ZBTB20: variants seen among roughly 807,000 people sequenced by gnomAD.
ZBTB20 encodes zinc finger and BTB domain containing 20.
In ZBTB20, 9 loss-of-function variants were observed where a neutral mutation model predicts 56.9. That is an observed-to-expected ratio of 0.16 (90% confidence interval 0.10 to 0.28). The LOEUF is 0.28. Among genes scored for constraint, ZBTB20 ranks in the 10% least tolerant of loss-of-function variants. The probability of loss-of-function intolerance (pLI) is 1.00; values close to 1 mark genes in which losing one functional copy is unlikely to be tolerated. For synonymous variants in ZBTB20, 417 were observed against 420.7 expected, an observed-to-expected ratio of 0.99 and a Z score of 0.11; for missense variants, 655 against 1,003.0, an observed-to-expected ratio of 0.65 and a Z score of 4.69.
chr3:114,993,461 T>C (rs369835948), intron 2 of ZBTB20, among the ~76,000 whole-genome samples: 4 of 151,836 alleles, frequency 2.6e-5, no homozygotes, highest in African/African-American at 9.7e-5. Flanking sequence ...CTTTTGAAAA[T>C]TGCACATTCT....
At chr3:114,833,396 TTAAAA>T (rs2073958946) in intron 4 of ZBTB20, among the ~76,000 whole-genome samples, 1 of 152,154 alleles carries the variant, frequency 6.6e-6, no homozygotes, top group African/African-American at 2.4e-5. Flanking sequence ...TTTAAATACT[TTAAAA>T]TACAAATGCC....
At chr3:114,999,020 G>A (rs1245117641) in intron 2 of ZBTB20, among the ~76,000 whole-genome samples, 1 of 135,796 alleles carries the variant, frequency 7.4e-6, no homozygotes, top group African/African-American at 2.7e-5. Flanking sequence ...AGGAGGGGAG[G>A]TTGGGGAGGG....
intron 4 of ZBTB20, among the ~76,000 whole-genome samples, chr3:114,867,596 CGGCTAACTT>C (rs895845656): frequency 6.6e-6 from 1 of 152,090 alleles, no homozygotes; most frequent in African/African-American, 2.4e-5. Flanking sequence ...CCACCACGCC[CGGCTAACTT>C]GGTATTTTCA....
intron 3 of ZBTB20, among the ~76,000 whole-genome samples, chr3:114,927,576 T>C (rs757702722): frequency 4.6e-5 from 7 of 152,134 alleles, no homozygotes; most frequent in Non-Finnish European, 8.8e-5. Flanking sequence ...GAAAAAACAA[T>C]TGAAGAATTT....
intron 5 of ZBTB20, among the ~76,000 whole-genome samples, chr3:114,756,109 T>C (rs943617323): frequency 4.6e-5 from 7 of 152,144 alleles, no homozygotes; most frequent in African/African-American, 1.7e-4. Flanking sequence ...TATTTTTTCA[T>C]TGTCAGCCAT....
At chr3:114,477,489 CTTTTTTT>C (rs765333264) in intron 7 of ZBTB20, among the ~76,000 whole-genome samples, 1 of 109,266 alleles carries the variant, frequency 9.2e-6, no homozygotes, top group Non-Finnish European at 1.8e-5. Flanking sequence ...GTTCCCTGCA[CTTTTTTT>C]TTTTTTTTTT....
rs576540290 is a variant in ZBTB20 at position 114,777,339 on chromosome 3, T to C, written c.-343+23762A>G. 2.6e-5 allele frequency among the ~76,000 whole-genome samples: 4 copies of C among 152,116 alleles called. No homozygotes were observed. In the South Asian group the frequency reaches 8.3e-4, roughly 32 times the overall value. ...GACTAACATGGAGAAATGCTGTCTCTACTAAAAATACAAAATTAGCCGGGC... is the reference window on the plus strand; with the variant it reads ...GACTAACATGGAGAAATGCTGTCTCCACTAAAAATACAAAATTAGCCGGGC... On this transcript the variant is annotated intron_variant, in intron 5 of 11. Transcript: ENST00000675478.
At chr3:115,063,083 CATT>C (rs59203814) in intron 2 of ZBTB20, among the ~76,000 whole-genome samples, 94 of 152,248 alleles carry the variant, frequency 6.2e-4, no homozygotes, top group African/African-American at 2.1e-3. Context: ...GATTCTTCAT[CATT>C]GTTTTTATCA....
At chr3:114,364,177 C>G (rs961360747) in intron 10 of ZBTB20, among the ~76,000 whole-genome samples, 1 of 152,106 alleles carries the variant, frequency 6.6e-6, no homozygotes, top group South Asian at 2.1e-4. Flanking sequence ...TTTGACCAGG[C>G]ATGTTGGCTC....
chr3:115,083,671 T>C (rs1037435555), intron 1 of ZBTB20, among the ~76,000 whole-genome samples: 20 of 152,036 alleles, frequency 1.3e-4, no homozygotes, highest in Non-Finnish European at 2.9e-5. Context: ...TAGCTCATGC[T>C]ATAATTCCAA....
At chr3:114,343,743 T>C (rs1374715899) in intron 11 of ZBTB20, among the ~76,000 whole-genome samples, 2 of 152,172 alleles carry the variant, frequency 1.3e-5, no homozygotes, top group Non-Finnish European at 2.9e-5. Context: ...TCAAGAGACG[T>C]CTGTTTAAAA....
At chr3:114,820,890 AT>A (rs1303688194) in intron 4 of ZBTB20, among the ~76,000 whole-genome samples, 1 of 152,102 alleles carries the variant, frequency 6.6e-6, no homozygotes. Flanking sequence ...TATTGATAAA[AT>A]TTACCTACAT....
chr3:114,340,558 G>A (rs193068912), intron 11 of ZBTB20, among the ~76,000 whole-genome samples: 8 of 152,276 alleles, frequency 5.3e-5, no homozygotes, highest in Admixed American at 4.6e-4. Flanking sequence ...CTCAGTGCAT[G>A]AGGTATTCTT....
chr3:114,792,807 G>A (rs537963300), intron 5 of ZBTB20, among the ~76,000 whole-genome samples: 1 of 151,768 alleles, frequency 6.6e-6, no homozygotes. Context: ...ATTCCTCACT[G>A]GTCTTTAGAA....
intron 5 of ZBTB20, among the ~76,000 whole-genome samples, chr3:114,785,028 C>T (rs560253062): frequency 9.2e-5 from 14 of 152,240 alleles, no homozygotes; most frequent in African/African-American, 2.2e-4. Context: ...AGGGTAGTAA[C>T]GGGTGGATGT....
chr3:114,974,624 C>G (rs1040861684), intron 2 of ZBTB20, among the ~76,000 whole-genome samples: 6 of 152,136 alleles, frequency 3.9e-5, no homozygotes, highest in Non-Finnish European at 8.8e-5. Flanking sequence ...ACTGCATATA[C>G]ATTTTTGAGG....
At chr3:114,401,991 A>T (rs1211967738) in intron 7 of ZBTB20, among the ~76,000 whole-genome samples, 1 of 152,206 alleles carries the variant, frequency 6.6e-6, no homozygotes, top group Non-Finnish European at 1.5e-5. Flanking sequence ...GCATTCTCAG[A>T]GTGAAGTAGC....
rs2079264396 is a variant in ZBTB20 at position 114,331,714 on chromosome 3, T to A, written c.*7291A>T. The A allele has an allele frequency of 6.6e-6, 1 of 152,232 alleles. No homozygotes were observed. The highest frequency in any genetic ancestry group is 2.4e-5 in the African/African-American group (1 of 41,466). The allele number at this position is 152,232 out of a possible 1,614,324, so 9.4% of individuals were successfully genotyped here. On this transcript the variant is annotated 3_prime_UTR_variant, in exon 12 of 12. Coordinates refer to ENST00000675478, the MANE Select transcript of ZBTB20 (RefSeq NM_001348800.3). The stretch of plus-strand genomic sequence containing the variant: ...TACTGATGGTTGGGCTCCTTCAGAA[T>A]GCCCTAAAGTCTCATCACAGATACT...
chr3:114,816,786 TTAATC>T (rs2072946742), intron 4 of ZBTB20, among the ~76,000 whole-genome samples: 1 of 152,142 alleles, frequency 6.6e-6, no homozygotes, highest in Admixed American at 6.5e-5. Context: ...AGTATGTACT[TTAATC>T]AAATAGGAGA....
Sources: allele counts gnomAD v4.1 joint callset (sites outside exome capture counted in the v4.1 genomes callset), GRCh38; gene constraint gnomAD v4.1.1; transcripts MANE v1.5; gene names NCBI Gene and HGNC (gene_info 2026-07-23, HGNC 2026-07-21).